Variants in ACYP2 observed in about 807,000 individuals in gnomAD.
The protein encoded by ACYP2 is acylphosphatase 2, also known as acylphosphatase-2.
A neutral mutation model predicts 11.2 loss-of-function variants in ACYP2; 12 were observed. The observed-to-expected ratio is 1.08, with a 90% CI of 0.69 to 1.74. The LOEUF (loss-of-function observed/expected upper bound fraction) is 1.74. ACYP2 is among the 40% of genes most tolerant of loss of function. ACYP2 has a pLI of 0.00. For synonymous variants in ACYP2, 43 were observed against 32.2 expected, an observed-to-expected ratio of 1.33 and a Z score of -1.13; for missense variants, 134 against 101.9, an observed-to-expected ratio of 1.31 and a Z score of -1.35.
At chr2:54,168,059 A>G (rs1683070899) in intron 6 of ACYP2, among the ~76,000 whole-genome samples, 1 of 152,150 alleles carries the variant, frequency 6.6e-6, no homozygotes, top group African/African-American at 2.4e-5. Flanking sequence ...ATTTTGATGT[A>G]CATTTCTCAA....
chr2:54,281,856 C>T (rs909216427), intron 6 of ACYP2, among the ~76,000 whole-genome samples: 11 of 152,178 alleles, frequency 7.2e-5, no homozygotes, highest in Admixed American at 5.2e-4. Context: ...TTTGTTTGAA[C>T]AAGATTATAA....
At chr2:54,010,055 T>C (rs1364327106) in intron 2 of ACYP2, among the ~76,000 whole-genome samples, 1 of 152,042 alleles carries the variant, frequency 6.6e-6, no homozygotes, top group African/African-American at 2.4e-5. Context: ...ATGGGAAAAA[T>C]GATAAAACAA....
chr2:54,028,679 T>C (rs1329076469), intron 2 of ACYP2, among the ~76,000 whole-genome samples: 1 of 152,204 alleles, frequency 6.6e-6, no homozygotes, highest in East Asian at 1.9e-4. Flanking sequence ...TCCCAGGCCA[T>C]TGTATGTTCT....
At position 54,009,145 on chromosome 2, in the gene ACYP2, T is replaced by TC. The variant is rs529067650; in HGVS notation, c.62+35337dup. Among the ~76,000 whole-genome samples, 16 of 147,570 alleles carry TC rather than the reference T, an allele frequency of 1.1e-4. No individual in the cohort carries two copies. In the East Asian group the frequency reaches 3.2e-3, roughly 29 times the overall value. ...TCCAGTCTGGGCAACAGAGCAAGAC[T>TC]CCATCTCAAAAAAAAAAAAAATTCA... On this transcript the variant is annotated intron_variant, in intron 2 of 6. Transcript: ENST00000607452.
chr2:54,193,567 A>G (rs1002372417), intron 6 of ACYP2, among the ~76,000 whole-genome samples: 1 of 152,212 alleles, frequency 6.6e-6, no homozygotes, highest in Non-Finnish European at 1.5e-5. Flanking sequence ...GAATGAATAC[A>G]ATTTAGCTTT....
At chr2:54,267,207 G>T (rs1688074423) in intron 6 of ACYP2, 15 of 1,360,262 alleles carry the variant, frequency 1.1e-5, no homozygotes, top group Non-Finnish European at 1.3e-5. Flanking sequence ...TTTTTTAGGG[G>T]CCTATAAAAG....
At chr2:54,202,204 G>A (rs1348397970) in intron 6 of ACYP2, among the ~76,000 whole-genome samples, 2 of 152,108 alleles carry the variant, frequency 1.3e-5, no homozygotes, top group African/African-American at 4.8e-5. Context: ...CGCCTCCCAG[G>A]TTCAAGCAGT....
intron 6 of ACYP2, among the ~76,000 whole-genome samples, chr2:54,266,802 G>T (rs1178395173): frequency 6.6e-6 from 1 of 151,374 alleles, no homozygotes; most frequent in Non-Finnish European, 1.5e-5. Flanking sequence ...GTACAGACGG[G>T]GTTTCACCGT....
intron 2 of ACYP2, among the ~76,000 whole-genome samples, chr2:54,000,544 C>T (rs10204967): frequency 0.011 from 1,630 of 152,306 alleles, 26 homozygotes; most frequent in African/African-American, 0.038. Flanking sequence ...TGTGATAACG[C>T]AGAACCTCAA....
At chr2:54,230,327 G>C (rs573116606) in intron 6 of ACYP2, among the ~76,000 whole-genome samples, 1 of 152,154 alleles carries the variant, frequency 6.6e-6, no homozygotes, top group African/African-American at 2.4e-5. Context: ...ATAAAAGTTG[G>C]TCTCCACAAT....
chr2:54,092,578 C>T (rs537073793), intron 4 of ACYP2, among the ~76,000 whole-genome samples: 1 of 152,142 alleles, frequency 6.6e-6, no homozygotes. Context: ...TGAGGGGAAT[C>T]TAGAATTGGT....
intron 4 of ACYP2, among the ~76,000 whole-genome samples, chr2:54,126,729 C>T (rs1680532213): frequency 6.6e-6 from 1 of 151,932 alleles, no homozygotes; most frequent in African/African-American, 2.4e-5. Flanking sequence ...GGGCGGATCA[C>T]CTGAGGTCAG....
intron 6 of ACYP2, chr2:54,167,033 TC>T (rs1683008242): frequency 6.6e-6 from 1 of 151,828 alleles, no homozygotes. Flanking sequence ...TTCAGGCAAT[TC>T]CATTTGATCT....
At chr2:54,110,702 C>A (rs1679413823) in intron 4 of ACYP2, among the ~76,000 whole-genome samples, 1 of 151,964 alleles carries the variant, frequency 6.6e-6, no homozygotes, top group Admixed American at 6.6e-5. Context: ...TGGGGAAATG[C>A]AGTAGGGAAC....
intron 4 of ACYP2, among the ~76,000 whole-genome samples, chr2:54,121,010 T>A (rs1331453464): frequency 1.3e-5 from 2 of 152,294 alleles, no homozygotes; most frequent in African/African-American, 4.8e-5. Context: ...AATGGGGGCA[T>A]GTTGGCACAC....
intron 6 of ACYP2, among the ~76,000 whole-genome samples, chr2:54,193,257 AGTG>A (rs746149103): frequency 1.4e-4 from 22 of 152,230 alleles, no homozygotes; most frequent in Non-Finnish European, 3.1e-4. Flanking sequence ...CAGAAGAAGA[AGTG>A]GTAACATTTG....
intron 6 of ACYP2, among the ~76,000 whole-genome samples, chr2:54,148,382 A>G (rs1018488276): frequency 6.6e-6 from 1 of 152,250 alleles, no homozygotes; most frequent in African/African-American, 2.4e-5. Flanking sequence ...GAAAGAAGAT[A>G]GACATGCCAT....
chr2:53,989,620 C>G (rs1672192459), intron 2 of ACYP2, among the ~76,000 whole-genome samples: 1 of 152,082 alleles, frequency 6.6e-6, no homozygotes, highest in Non-Finnish European at 1.5e-5. Context: ...CTTTAGAAGC[C>G]TAAGGGATGA....
At chr2:54,291,892 T>C (rs1689323402) in intron 6 of ACYP2, among the ~76,000 whole-genome samples, 1 of 152,232 alleles carries the variant, frequency 6.6e-6, no homozygotes, top group Non-Finnish European at 1.5e-5. Flanking sequence ...AATTCTGATA[T>C]GGTCTGGTAG....
Sources: gnomAD v4.1 joint callset for allele counts (sites outside exome capture counted in the v4.1 genomes callset) on GRCh38, gnomAD v4.1.1 for gene constraint, MANE v1.5 for transcripts, NCBI Gene and HGNC (gene_info 2026-07-23, HGNC 2026-07-21) for gene names.